SPHKAP: variants seen among roughly 807,000 people sequenced by gnomAD.
SPHKAP encodes A-kinase anchor protein SPHKAP.
SPHKAP carries 67 observed loss-of-function variants against 137.5 expected under a neutral mutation model. The ratio of observed to expected loss-of-function variants is 0.49; its 90% CI spans 0.40 to 0.60. The LOEUF (loss-of-function observed/expected upper bound fraction) is 0.60. Among genes scored for constraint, SPHKAP ranks in the 20% least tolerant of loss-of-function variants. The pLI, the probability that SPHKAP is intolerant of heterozygous loss-of-function variation, is 0.00. For synonymous variants in SPHKAP, 813 were observed against 785.3 expected, an observed-to-expected ratio of 1.04 and a Z score of -0.59; for missense variants, 2,097 against 2,069.3, an observed-to-expected ratio of 1.01 and a Z score of -0.26.
chr2:228,061,197 C>A (rs1268575842), intron 3 of SPHKAP, among the ~76,000 whole-genome samples: 1 of 152,106 alleles, frequency 6.6e-6, no homozygotes, highest in Non-Finnish European at 1.5e-5. Flanking sequence ...TGAGGGATGG[C>A]AGGATCGGGG....
intron 3 of SPHKAP, among the ~76,000 whole-genome samples, chr2:228,089,716 C>A (rs1697658240): frequency 6.6e-6 from 1 of 152,198 alleles, no homozygotes; most frequent in African/African-American, 2.4e-5. Context: ...CTCCCTACAT[C>A]CCTGCCTCTC....
chr2:228,017,334 G>T lies in SPHKAP; in HGVS notation c.3520C>A (p.Leu1174Ile), dbSNP rs770308700. Residue 1174 changes from leucine to isoleucine, a missense_variant, in exon 7 of 12, where the codon CTC becomes ATC. Leu to Ile is a conservative substitution (Grantham distance 5). Transcript: ENST00000392056. The stretch of plus-strand genomic sequence containing the variant: ...GAGGGACAGCTAGGCCTCACACTGA[G>T]GTGGTCACTTTTCCGGCACGCCTGT... ...MQQACRKSDHLSVRPSCPSKQ... is the reference protein window; with the variant it reads ...MQQACRKSDHISVRPSCPSKQ... 20 of 1,613,876 alleles carry T rather than the reference G, an allele frequency of 1.2e-5. No homozygotes were observed. In the South Asian group the frequency reaches 2.2e-4, roughly 18 times the overall value.
intron 1 of SPHKAP, among the ~76,000 whole-genome samples, chr2:228,157,580 G>T (rs1428895882): frequency 6.6e-6 from 1 of 152,148 alleles, no homozygotes; most frequent in African/African-American, 2.4e-5. Context: ...CTCCTTTTTA[G>T]TTGTCGTTTT....
chr2:228,142,055 G>A (rs1264694957), intron 1 of SPHKAP, among the ~76,000 whole-genome samples: 1 of 152,192 alleles, frequency 6.6e-6, no homozygotes, highest in Non-Finnish European at 1.5e-5. Context: ...CTGAATTAAG[G>A]AAATGTTACT....
intron 2 of SPHKAP, among the ~76,000 whole-genome samples, chr2:228,115,170 C>A (rs1698667583): frequency 6.6e-6 from 1 of 152,116 alleles, no homozygotes; most frequent in Admixed American, 6.6e-5. Context: ...CAATCATTTT[C>A]CTTATCTCCT....
chr2:228,092,896 G>A (rs1697851902), intron 3 of SPHKAP, among the ~76,000 whole-genome samples: 1 of 151,900 alleles, frequency 6.6e-6, no homozygotes, highest in African/African-American at 2.4e-5. Flanking sequence ...GTATTCTTTG[G>A]GGACTCAGGG....
Position 228,019,817 on chromosome 2 carries a change from A to C in SPHKAP, c.1037T>G (p.Phe346Cys). Residue 346 changes from phenylalanine (F) to cysteine (C), a missense_variant, in exon 7 of 12, where the codon TTC (phenylalanine) becomes TGC (cysteine). Physicochemically the swap from Phe to Cys is radical, Grantham distance 205. Coordinates refer to ENST00000392056, the MANE Select transcript of SPHKAP (RefSeq NM_001142644.2). ...AGGTACATCTTTATCCATCATGGAG[A>C]AATAAGCATCTTTTGGAATATACAG... The part of the protein sequence containing the change: ...QALYIPKDAY[F>C]SMMDKDVPSA... 1.2e-6 allele frequency: 2 copies of C among 1,614,122 alleles called. No homozygotes were observed. Among genetic ancestry groups the C allele is most frequent in the Non-Finnish European group, 1.7e-6 (2 of 1,180,006 alleles).
At chr2:228,056,564 AG>A (rs1696451542) in intron 3 of SPHKAP, among the ~76,000 whole-genome samples, 2 of 149,798 alleles carry the variant, frequency 1.3e-5, no homozygotes, top group African/African-American at 2.5e-5. Flanking sequence ...AATCTGAACA[AG>A]GGGATAAAGT....
At chr2:228,145,806 G>A (rs186946302) in intron 1 of SPHKAP, among the ~76,000 whole-genome samples, 124 of 152,242 alleles carry the variant, frequency 8.1e-4, no homozygotes, top group African/African-American at 2.9e-3. Context: ...GCCAACAATT[G>A]AAGACTGAAA....
intron 2 of SPHKAP, among the ~76,000 whole-genome samples, chr2:228,111,057 G>A (rs762063064): frequency 2.0e-5 from 3 of 152,042 alleles, no homozygotes; most frequent in African/African-American, 4.8e-5. Flanking sequence ...TTCTTAGAGT[G>A]CAAAAGAATT....
intron 11 of SPHKAP, among the ~76,000 whole-genome samples, chr2:227,986,546 C>T (rs1172215080): frequency 6.6e-6 from 1 of 152,130 alleles, no homozygotes; most frequent in Non-Finnish European, 1.5e-5. Flanking sequence ...CCAAATACCA[C>T]CTGTTCCCCA....
intron 3 of SPHKAP, among the ~76,000 whole-genome samples, chr2:228,031,968 A>G (rs1003224981): frequency 2.6e-5 from 4 of 152,242 alleles, no homozygotes; most frequent in African/African-American, 4.8e-5. Context: ...TCTAAAAAGC[A>G]GAGCGCCTCT....
rs566827252 is a variant in SPHKAP, at chr2:228,159,676, G to C, written c.32+21891C>G. On this transcript the variant is annotated intron_variant, in intron 1 of 11. Transcript: ENST00000392056. ...ACTGCTTTAAGAAAATGGAGATCTGGGCCTAGAGTCAGGAAGTATATGTGA... is the reference window on the plus strand; with the variant it reads ...ACTGCTTTAAGAAAATGGAGATCTGCGCCTAGAGTCAGGAAGTATATGTGA... Among the ~76,000 whole-genome samples, 86 of 152,178 alleles carry C rather than the reference G, an allele frequency of 5.7e-4. 2 individuals are homozygous for C. In the South Asian group the frequency reaches 0.018, roughly 32 times the overall value.
At chr2:228,131,369 G>A in intron 2 of SPHKAP, 1 of 923,182 alleles carries the variant, frequency 1.1e-6, no homozygotes, top group Non-Finnish European at 1.3e-6. Flanking sequence ...CCAGGATCGT[G>A]GACATTCTAC....
intron 1 of SPHKAP, among the ~76,000 whole-genome samples, chr2:228,138,713 AG>A (rs1344048610): frequency 8.5e-5 from 13 of 152,198 alleles, no homozygotes; most frequent in Admixed American, 4.6e-4. Context: ...TTAATCTCCT[AG>A]ACCAGTAAAA....
intron 11 of SPHKAP, among the ~76,000 whole-genome samples, chr2:227,983,232 T>A (rs1223640132): frequency 6.6e-6 from 1 of 152,328 alleles, no homozygotes; most frequent in South Asian, 2.1e-4. Context: ...TGAGAAGTTG[T>A]CTCATAGAGA....
intron 3 of SPHKAP, among the ~76,000 whole-genome samples, chr2:228,071,144 A>G (rs1435258243): frequency 2.6e-5 from 4 of 152,164 alleles, no homozygotes; most frequent in African/African-American, 7.2e-5. Context: ...AGGGGTTAGC[A>G]GCTTTATAGT....
At chr2:228,021,626 T>C in intron 6 of SPHKAP, 85 bp downstream of exon 6, 2 of 1,491,680 alleles carry the variant, frequency 1.3e-6, no homozygotes, top group Admixed American at 2.1e-5. Flanking sequence ...GCCAAACTGA[T>C]GTGGCCTGGA....
chr2:228,111,907 T>C (rs1698530177), intron 2 of SPHKAP, among the ~76,000 whole-genome samples: 1 of 152,110 alleles, frequency 6.6e-6, no homozygotes, highest in Middle Eastern at 3.2e-3. Flanking sequence ...TTTTTGTAAA[T>C]AAAACTACAT....
Sources: gnomAD v4.1 joint callset for allele counts (sites outside exome capture counted in the v4.1 genomes callset) on GRCh38, gnomAD v4.1.1 for gene constraint, MANE v1.5 for transcripts, NCBI Gene and HGNC (gene_info 2026-07-23, HGNC 2026-07-21) for gene names.